KCNIP4: variants seen among roughly 807,000 people sequenced by gnomAD.
KCNIP4 encodes the protein Kv channel-interacting protein 4.
A neutral mutation model predicts 34.0 loss-of-function variants in KCNIP4; 12 were observed. The observed-to-expected ratio is 0.35, with a 90% CI of 0.23 to 0.57. The LOEUF (loss-of-function observed/expected upper bound fraction) is 0.57. Among genes scored for constraint, KCNIP4 ranks in the 20% least tolerant of loss-of-function variants. The pLI, the probability that KCNIP4 is intolerant of heterozygous loss-of-function variation, is 0.83. For missense variants in KCNIP4, 238 were observed against 311.7 expected, an observed-to-expected ratio of 0.76 and a Z score of 1.78; for synonymous variants, 124 against 102.2, an observed-to-expected ratio of 1.21 and a Z score of -1.29.
chr4:21,448,040 G>A lies in KCNIP4; in HGVS notation c.61+500531C>T, dbSNP rs73105822. ...AAATGAATAAGGGGAACTACTGTAG[G>A]TATTTTGATACTGCTTTGGGAAGCA... On this transcript the variant is annotated intron_variant, in intron 1 of 8. Transcript: ENST00000382152. Among the ~76,000 whole-genome samples the A allele has an allele frequency of 3.9e-3, 594 of 152,228 alleles. 6 individuals are homozygous for A. The highest frequency in any genetic ancestry group is 0.014 in the African/African-American group (568 of 41,516).
intron 1 of KCNIP4, among the ~76,000 whole-genome samples, chr4:21,155,973 A>T (rs41374147): frequency 6.6e-6 from 1 of 152,186 alleles, no homozygotes; most frequent in Non-Finnish European, 1.5e-5. Context: ...GTCATTGGAC[A>T]CAACTTTATA....
intron 5 of KCNIP4, among the ~76,000 whole-genome samples, chr4:20,745,522 A>G (rs1752227958): frequency 6.6e-6 from 1 of 152,180 alleles, no homozygotes; most frequent in African/African-American, 2.4e-5. Context: ...GGAAGTGACA[A>G]ACTTAACAAC....
chr4:21,799,040 G>GAA (rs149730852), intron 1 of KCNIP4, among the ~76,000 whole-genome samples: 4 of 149,274 alleles, frequency 2.7e-5, no homozygotes, highest in Middle Eastern at 3.5e-3. Context: ...GGAAAAAAAT[G>GAA]AAAAAAAAAC....
intron 1 of KCNIP4, among the ~76,000 whole-genome samples, chr4:21,112,343 T>A (rs922828432): frequency 1.3e-5 from 2 of 152,168 alleles, no homozygotes; most frequent in African/African-American, 2.4e-5. Flanking sequence ...GCAATCATCA[T>A]GATCGAGTCC....
intron 1 of KCNIP4, among the ~76,000 whole-genome samples, chr4:20,979,429 C>G (rs1412995916): frequency 7.0e-6 from 1 of 143,670 alleles, no homozygotes; most frequent in African/African-American, 2.6e-5. Context: ...GATGGAGTCT[C>G]ACTCTGTCGC....
At chr4:21,542,416 A>G (rs1737783611) in intron 1 of KCNIP4, among the ~76,000 whole-genome samples, 3 of 152,234 alleles carry the variant, frequency 2.0e-5, no homozygotes, top group African/African-American at 4.8e-5. Context: ...GCTTGAAAAT[A>G]TTCAAAAGCT....
At chr4:21,675,066 T>A (rs1259000075) in intron 1 of KCNIP4, among the ~76,000 whole-genome samples, 1 of 152,130 alleles carries the variant, frequency 6.6e-6, no homozygotes, top group Non-Finnish European at 1.5e-5. Flanking sequence ...AACAGATGAA[T>A]GGATGAAGAA....
At chr4:21,266,657 C>T (rs144043475) in intron 1 of KCNIP4, among the ~76,000 whole-genome samples, 4 of 152,326 alleles carry the variant, frequency 2.6e-5, no homozygotes, top group Middle Eastern at 3.4e-3. Context: ...GAAGGAGCTG[C>T]ATCTGCGAAT....
chr4:21,417,307 G>A (rs1725040201), intron 1 of KCNIP4, among the ~76,000 whole-genome samples: 1 of 151,932 alleles, frequency 6.6e-6, no homozygotes, highest in Non-Finnish European at 1.5e-5. Context: ...GTTTGTCTGT[G>A]AGTTAGTGTG....
rs1560737645 is a variant in KCNIP4, at chr4:21,117,315, G to GTT, written c.62-234607_62-234606insAA. ...CCGGGGTTGCCGGGGGGGGGGGGGG[G>GTT]GGGGCGCTGTTTTTCATCTTCCTCG... is the stretch of plus-strand genomic sequence containing the variant. On this transcript the variant is annotated intron_variant, in intron 1 of 8. Coordinates refer to ENST00000382152, the MANE Select transcript of KCNIP4 (RefSeq NM_025221.6). 2.8e-3 allele frequency among the ~76,000 whole-genome samples: 357 copies of GTT among 128,310 alleles called. 15 individuals are homozygous for GTT. Among genetic ancestry groups the GTT allele is most frequent in the African/African-American group, 8.9e-3 (333 of 37,232 alleles). The allele number at this position is 128,310 out of a possible 152,430, so 84.2% of individuals were successfully genotyped here.
intron 1 of KCNIP4, among the ~76,000 whole-genome samples, chr4:21,024,377 T>A (rs1740349140): frequency 6.6e-6 from 1 of 152,178 alleles, no homozygotes; most frequent in African/African-American, 2.4e-5. Context: ...GACTCTGTGG[T>A]TCCTTCCAAA....
At chr4:21,149,625 G>A (rs1245166294) in intron 1 of KCNIP4, among the ~76,000 whole-genome samples, 4 of 152,076 alleles carry the variant, frequency 2.6e-5, no homozygotes, top group African/African-American at 4.8e-5. Context: ...AGAATGTTGA[G>A]GTGAAAAAAT....
intron 1 of KCNIP4, among the ~76,000 whole-genome samples, chr4:20,918,778 C>CA (rs2149582842): frequency 6.6e-6 from 1 of 152,276 alleles, no homozygotes; most frequent in East Asian, 1.9e-4. Context: ...CACTTTACAT[C>CA]AAAATCAGGG....
At chr4:21,350,952 T>G (rs1341779038) in intron 1 of KCNIP4, among the ~76,000 whole-genome samples, 1 of 152,156 alleles carries the variant, frequency 6.6e-6, no homozygotes, top group African/African-American at 2.4e-5. Context: ...TGTGGAGAAG[T>G]TACTGAGAAA....
intron 3 of KCNIP4, among the ~76,000 whole-genome samples, chr4:20,830,780 T>C (rs1225707567): frequency 6.6e-6 from 1 of 152,222 alleles, no homozygotes; most frequent in African/African-American, 2.4e-5. Context: ...AAGTGCTTAT[T>C]GAAGTTACAT....
At chr4:21,401,665 C>T (rs928485178) in intron 1 of KCNIP4, among the ~76,000 whole-genome samples, 1 of 152,192 alleles carries the variant, frequency 6.6e-6, no homozygotes, top group African/African-American at 2.4e-5. Flanking sequence ...CAGAGTATCC[C>T]ATCTGCAATG....
chr4:21,385,841 C>CA (rs1721978966), intron 1 of KCNIP4, among the ~76,000 whole-genome samples: 1 of 152,094 alleles, frequency 6.6e-6, no homozygotes, highest in African/African-American at 2.4e-5. Flanking sequence ...GTCTATTGGA[C>CA]AAATGAGTGT....
chr4:21,137,120 G>T (rs1430355798), intron 1 of KCNIP4, among the ~76,000 whole-genome samples: 1 of 152,136 alleles, frequency 6.6e-6, no homozygotes, highest in Non-Finnish European at 1.5e-5. Context: ...AGAGGGATTA[G>T]GGTTGAACAT....
chr4:20,882,708 A>G lies in KCNIP4; in HGVS notation c.63T>C (p.Gly21=). 1 of 1,612,312 alleles carries G rather than the reference A, an allele frequency of 6.2e-7. No individual in the cohort carries two copies. Among genetic ancestry groups the G allele is most frequent in the Non-Finnish European group, 8.5e-7 (1 of 1,178,714 alleles). ...AQLEEASSTG[G]FLYAQNSTKR... The stretch of plus-strand genomic sequence containing the variant: ...TGGTGCTGTTCTGAGCGTACAGGAA[A>G]CCTAGAAGATACAGGATCAGTTCTG... Residue 21 remains glycine, a splice_region_variant and synonymous_variant, in exon 2 of 9, where the codon GGT becomes GGC. Transcript: ENST00000382152.
Sources: gnomAD v4.1 joint callset for allele counts (sites outside exome capture counted in the v4.1 genomes callset) on GRCh38, gnomAD v4.1.1 for gene constraint, MANE v1.5 for transcripts, NCBI Gene and HGNC (gene_info 2026-07-23, HGNC 2026-07-21) for gene names.